Variants in LIMCH1 observed in about 807,000 individuals in gnomAD.
The protein encoded by LIMCH1 is LIM and calponin homology domains 1.
In LIMCH1, 113 loss-of-function variants were observed where a neutral mutation model predicts 176.5. The ratio of observed to expected loss-of-function variants is 0.64; its 90% CI spans 0.55 to 0.75. The LOEUF is 0.75. Among genes scored for constraint, LIMCH1 ranks in the 30% least tolerant of loss-of-function variants. The pLI is 0.00. For synonymous variants in LIMCH1, 619 were observed against 645.9 expected (o/e 0.96, Z 0.63); for missense variants, 1,674 against 1,814.9 (o/e 0.92, Z 1.41).
rs186209690 is a variant in LIMCH1 at position 41,490,391 on chromosome 4, A to G, written c.97-4145A>G. ...AGGTCAGCAGATAAACATGAGAACA[A>G]AGGTCTCTGGTTTTCCTAGGCAGAG... is the stretch of plus-strand genomic sequence containing the variant. On this transcript the variant is annotated intron_variant, in intron 1 of 26. Coordinates refer to the LIMCH1 transcript ENST00000313860. Among the ~76,000 whole-genome samples the G allele has an allele frequency of 2.6e-5, 4 of 151,926 alleles. No homozygotes were observed. The East Asian group carries it at 7.8e-4, about 29-fold the overall frequency.
At chr4:41,369,567 A>G (rs1440912557) in intron 1 of LIMCH1, among the ~76,000 whole-genome samples, 1 of 152,168 alleles carries the variant, frequency 6.6e-6, no homozygotes, top group Non-Finnish European at 1.5e-5. Context: ...CCTCTGCAGC[A>G]TGGTCCCTGA....
chr4:41,515,148 A>T (rs1203442134), intron 2 of LIMCH1, among the ~76,000 whole-genome samples: 1 of 152,252 alleles, frequency 6.6e-6, no homozygotes, highest in East Asian at 1.9e-4. Flanking sequence ...GAGGCTGGGG[A>T]GATGGGAGCC....
intron 1 of LIMCH1, among the ~76,000 whole-genome samples, chr4:41,374,914 A>G (rs762979746): frequency 1.5e-3 from 221 of 152,300 alleles, no homozygotes; most frequent in Non-Finnish European, 2.4e-3. Context: ...GAGAAAGAGG[A>G]CACATTCTCA....
intron 2 of LIMCH1, among the ~76,000 whole-genome samples, chr4:41,508,166 A>C (rs1036695509): frequency 6.6e-6 from 1 of 152,140 alleles, no homozygotes; most frequent in African/African-American, 2.4e-5. Context: ...GTGTGGATGG[A>C]GAGAAGTAGT....
intron 18 of LIMCH1, among the ~76,000 whole-genome samples, chr4:41,651,879 T>C (rs1239108717): frequency 6.6e-6 from 1 of 152,090 alleles, no homozygotes; most frequent in African/African-American, 2.4e-5. Context: ...ATTGGGAAAA[T>C]TGCACTTTCT....
chr4:41,421,068 G>A (rs750015148), intron 1 of LIMCH1, among the ~76,000 whole-genome samples: 6 of 152,138 alleles, frequency 3.9e-5, no homozygotes, highest in Non-Finnish European at 5.9e-5. Flanking sequence ...CCCAAGAATC[G>A]TATCCCCAAG....
intron 2 of LIMCH1, among the ~76,000 whole-genome samples, chr4:41,510,829 T>A (rs534699953): frequency 6.6e-6 from 1 of 152,276 alleles, no homozygotes; most frequent in East Asian, 1.9e-4. Flanking sequence ...CCTCAGGTGA[T>A]CCGCCCACCT....
At chr4:41,533,375 C>T (rs1476960392), upstream of LIMCH1, among the ~76,000 whole-genome samples, 1 of 152,206 alleles carries the variant, frequency 6.6e-6, no homozygotes, top group Non-Finnish European at 1.5e-5. Context: ...TCTTCAGAAG[C>T]TGCTTGTCCC....
At chr4:41,633,436 C>T in intron 12 of LIMCH1, 112 bp from the exon 13 acceptor site, 1 of 1,294,730 alleles carries the variant, frequency 7.7e-7, no homozygotes. Context: ...TGTGCCGCTG[C>T]CTCCAGGGAT....
chr4:41,573,532 T>C (rs1332930093), intron 1 of LIMCH1, among the ~76,000 whole-genome samples: 1 of 152,174 alleles, frequency 6.6e-6, no homozygotes, highest in Non-Finnish European at 1.5e-5. Flanking sequence ...AGGACTTCCG[T>C]ATATTGTTAA....
intron 1 of LIMCH1, among the ~76,000 whole-genome samples, chr4:41,575,219 C>T (rs1464295470): frequency 6.6e-6 from 1 of 152,134 alleles, no homozygotes; most frequent in South Asian, 2.1e-4. Context: ...TTAAAAGCAT[C>T]GCTGATTTTT....
In LIMCH1 at chr4:41,631,397, A is replaced by T. The variant is rs907857335; in HGVS notation, c.1521A>T (p.Gln507His). 4 of 1,536,234 alleles carry T rather than the reference A, an allele frequency of 2.6e-6. No individual in the cohort carries two copies. The highest frequency in any genetic ancestry group is 2.6e-6 in the Non-Finnish European group (3 of 1,146,916). ...TCATCTGTCATGGCAGCAAGATTCAAATGGACTCTGTGTCTCCTGTCTCAG... is the reference window on the plus strand; with the variant it reads ...TCATCTGTCATGGCAGCAAGATTCATATGGACTCTGTGTCTCCTGTCTCAG... Reference protein sequence around the residue: ...EEVICHGSKIQMDSVSPVSAA... With the variant: ...EEVICHGSKIHMDSVSPVSAA... The change falls in exon 10 of 32, where the codon CAA becomes CAT. Residue 507 changes from glutamine to histidine, a missense_variant. Transcript: ENST00000503057.
At chr4:41,613,714 GC>G in intron 5 of LIMCH1, 53 bp downstream of exon 5, 1 of 1,499,680 alleles carries the variant, frequency 6.7e-7, no homozygotes, top group Non-Finnish European at 9.2e-7. Flanking sequence ...ATTTGCAGGG[GC>G]TGCATTGCGC....
chr4:41,695,422 G>T (rs1006446007), intron 31 of LIMCH1, among the ~76,000 whole-genome samples: 1 of 151,222 alleles, frequency 6.6e-6, no homozygotes, highest in Admixed American at 6.6e-5. Flanking sequence ...TTTTTTTCCA[G>T]TTAGCCACTT....
intron 1 of LIMCH1, among the ~76,000 whole-genome samples, chr4:41,396,516 C>T (rs1337565602): frequency 5.3e-5 from 8 of 152,000 alleles, no homozygotes; most frequent in East Asian, 1.9e-4. Context: ...TTGTATTGTG[C>T]GGGTTTTTTT....
At chr4:41,380,408 A>T (rs1409342883) in intron 1 of LIMCH1, among the ~76,000 whole-genome samples, 1 of 151,834 alleles carries the variant, frequency 6.6e-6, no homozygotes, top group Non-Finnish European at 1.5e-5. Context: ...TGGCCTCCCA[A>T]AGTGCTGGGA....
intron 1 of LIMCH1, among the ~76,000 whole-genome samples, chr4:41,451,863 C>G (rs1409481244): frequency 2.0e-5 from 3 of 152,178 alleles, no homozygotes; most frequent in Admixed American, 2.0e-4. Flanking sequence ...ATCCCTTTAG[C>G]TAAGCTCCCA....
At chr4:41,616,238 G>A (rs1426805395) in intron 5 of LIMCH1, among the ~76,000 whole-genome samples, 1 of 152,012 alleles carries the variant, frequency 6.6e-6, no homozygotes, top group African/African-American at 2.4e-5. Flanking sequence ...GAAGGGTTGG[G>A]GGTGTGTACG....
intron 2 of LIMCH1, among the ~76,000 whole-genome samples, chr4:41,505,158 T>G (rs1348878104): frequency 6.6e-6 from 1 of 152,188 alleles, no homozygotes; most frequent in Non-Finnish European, 1.5e-5. Flanking sequence ...ACAGAGAAAT[T>G]ACTACTTCTT....
Sources: allele counts gnomAD v4.1 joint callset (sites outside exome capture counted in the v4.1 genomes callset), GRCh38; gene constraint gnomAD v4.1.1; transcripts MANE v1.5; gene names NCBI Gene and HGNC (gene_info 2026-07-23, HGNC 2026-07-21).